GALNT17: variants seen among roughly 807,000 people sequenced by gnomAD.
GALNT17 encodes UDP-GalNAc:polypeptide N-acetylgalactosaminyltransferase-like 3.
In GALNT17, 29 loss-of-function variants were observed where a neutral mutation model predicts 63.7. The ratio of observed to expected loss-of-function variants is 0.46; its 90% CI spans 0.34 to 0.62. The LOEUF (loss-of-function observed/expected upper bound fraction) is 0.62, where lower values mean the gene tolerates loss of function less well. Among genes scored for constraint, GALNT17 ranks in the 20% least tolerant of loss-of-function variants. GALNT17 has a pLI of 0.01. For synonymous variants in GALNT17, 305 were observed against 318.3 expected, an observed-to-expected ratio of 0.96 and a Z score of 0.45; for missense variants, 603 against 799.6, an observed-to-expected ratio of 0.75 and a Z score of 2.97.
intron 6 of GALNT17, among the ~76,000 whole-genome samples, chr7:71,599,791 C>A (rs535767334): frequency 6.6e-6 from 1 of 151,994 alleles, no homozygotes; most frequent in African/African-American, 2.4e-5. Flanking sequence ...TGCACTATTG[C>A]AATTGTGCAG....
intron 6 of GALNT17, among the ~76,000 whole-genome samples, chr7:71,653,027 TG>T (rs1790776841): frequency 6.6e-6 from 1 of 151,642 alleles, no homozygotes; most frequent in African/African-American, 2.4e-5. Flanking sequence ...TTTTTGTTTT[TG>T]TTTTTTTTGA....
chr7:71,219,774 C>CAT (rs1288370154), intron 1 of GALNT17, among the ~76,000 whole-genome samples: 1 of 152,162 alleles, frequency 6.6e-6, no homozygotes, highest in Non-Finnish European at 1.5e-5. Context: ...TGTCTGTCCT[C>CAT]ATATTTTTAT....
intron 1 of GALNT17, among the ~76,000 whole-genome samples, chr7:71,236,163 CAG>C (rs1327401393): frequency 2.0e-5 from 3 of 150,722 alleles, no homozygotes; most frequent in African/African-American, 7.4e-5. Flanking sequence ...CCTGGGTAGA[CAG>C]AGTGAGACTC....
intron 5 of GALNT17, among the ~76,000 whole-genome samples, chr7:71,447,375 A>T (rs2116537427): frequency 6.6e-6 from 1 of 152,312 alleles, no homozygotes; most frequent in East Asian, 1.9e-4. Context: ...TGGAATTCAA[A>T]ATGCCCCAAA....
At chr7:71,494,432 A>G (rs1005233801) in intron 5 of GALNT17, among the ~76,000 whole-genome samples, 2 of 152,014 alleles carry the variant, frequency 1.3e-5, no homozygotes, top group Admixed American at 1.3e-4. Flanking sequence ...TGCAGCCTCA[A>G]CCTCTGTGGT....
At chr7:71,173,904 A>C (rs1788589347) in intron 1 of GALNT17, among the ~76,000 whole-genome samples, 1 of 152,244 alleles carries the variant, frequency 6.6e-6, no homozygotes, top group African/African-American at 2.4e-5. Context: ...CATTCAATAA[A>C]TGCAGTTGAA....
rs912104828 is a variant in GALNT17 at position 71,306,410 on chromosome 7, G to A, written c.239-29140G>A. On this transcript the variant is annotated intron_variant, in intron 1 of 10. Coordinates refer to ENST00000333538, the MANE Select transcript of GALNT17 (RefSeq NM_022479.3). The stretch of plus-strand genomic sequence containing the variant: ...ATAACTCCCCCTACCTGCTGTCAAC[G>A]CCCCCCACTATTCTTCTTTCTCTGT... 3.3e-5 allele frequency among the ~76,000 whole-genome samples: 5 copies of A among 150,962 alleles called. No individual in the cohort carries two copies. In the South Asian group the frequency reaches 8.4e-4, roughly 25 times the overall value.
chr7:71,608,879 A>G (rs1396618451), intron 6 of GALNT17, among the ~76,000 whole-genome samples: 1 of 152,036 alleles, frequency 6.6e-6, no homozygotes, highest in Non-Finnish European at 1.5e-5. Flanking sequence ...CCTAGGCTCA[A>G]GTGTTCCTCC....
intron 5 of GALNT17, among the ~76,000 whole-genome samples, chr7:71,520,149 G>A (rs1404772023): frequency 6.6e-6 from 1 of 152,152 alleles, no homozygotes; most frequent in Non-Finnish European, 1.5e-5. Flanking sequence ...CCCATTGTAT[G>A]TATGGCGTCT....
chr7:71,277,860 C>T (rs1015965756), intron 1 of GALNT17, among the ~76,000 whole-genome samples: 2 of 152,178 alleles, frequency 1.3e-5, no homozygotes, highest in Non-Finnish European at 2.9e-5. Flanking sequence ...CATGGGCGGT[C>T]ACCCGTGAAG....
chr7:71,656,510 C>T (rs373312398), intron 6 of GALNT17, among the ~76,000 whole-genome samples: 2 of 151,902 alleles, frequency 1.3e-5, no homozygotes, highest in South Asian at 2.1e-4. Context: ...TCAGAGTGGT[C>T]GGTGGGAGCC....
chr7:71,415,799 C>T, intron 3 of GALNT17, 90 bp from the exon 4 acceptor site: 2 of 1,357,902 alleles, frequency 1.5e-6, no homozygotes, highest in Admixed American at 2.9e-5. Flanking sequence ...GATCTTTGAA[C>T]TCCCTGAAGA....
At chr7:71,328,568 C>T (rs1347850368) in intron 1 of GALNT17, among the ~76,000 whole-genome samples, 1 of 152,038 alleles carries the variant, frequency 6.6e-6, no homozygotes, top group Non-Finnish European at 1.5e-5. Flanking sequence ...AACTTGAGTT[C>T]GGCTGGTGGA....
At chr7:71,259,938 G>A (rs1790356893) in intron 1 of GALNT17, among the ~76,000 whole-genome samples, 1 of 152,112 alleles carries the variant, frequency 6.6e-6, no homozygotes. Flanking sequence ...ACCGCACCCA[G>A]CCTCTTGGTC....
intron 6 of GALNT17, among the ~76,000 whole-genome samples, chr7:71,609,723 A>C (rs969545449): frequency 1.8e-4 from 27 of 152,070 alleles, no homozygotes; most frequent in Admixed American, 1.8e-3. Flanking sequence ...AATGTATACT[A>C]TATGTATATA....
chr7:71,587,829 G>A lies in GALNT17; in HGVS notation c.1080+16427G>A, dbSNP rs113160170. Among the ~76,000 whole-genome samples, 1,487 of 152,210 alleles carry A rather than the reference G, an allele frequency of 9.8e-3. 20 individuals carry two copies. Among genetic ancestry groups the A allele is most frequent in the African/African-American group, 0.033 (1,391 of 41,526 alleles). On this transcript the variant is annotated intron_variant, in intron 6 of 10. Transcript: ENST00000333538. ...ACATGCCGGGAAAAATACTCATAAT[G>A]CCTGTAACTGATGAAGGAATCTTAT...
At position 71,510,501 on chromosome 7, in the gene GALNT17, A is replaced by G. The variant is rs959376986; in HGVS notation, c.963-60784A>G. The stretch of plus-strand genomic sequence containing the variant: ...CATGCCTGGGTGCTAATTTCCTGCC[A>G]CTTCCAACTTGCCTCAGAGTGCAGA... On this transcript the variant is annotated intron_variant, in intron 5 of 10. Transcript: ENST00000333538. Among the ~76,000 whole-genome samples the G allele has an allele frequency of 2.6e-5, 4 of 152,038 alleles. No homozygotes were observed. The East Asian group carries it at 7.8e-4, about 29-fold the overall frequency.
intron 5 of GALNT17, among the ~76,000 whole-genome samples, chr7:71,423,336 A>G (rs1406732312): frequency 6.6e-6 from 1 of 152,140 alleles, no homozygotes; most frequent in Admixed American, 6.5e-5. Flanking sequence ...GAACCTGTGA[A>G]TGGTACCTTA....
intron 1 of GALNT17, among the ~76,000 whole-genome samples, chr7:71,214,149 T>A (rs1789431778): frequency 6.6e-6 from 1 of 152,252 alleles, no homozygotes; most frequent in African/African-American, 2.4e-5. Flanking sequence ...AATTGGCATT[T>A]AAACTCAGTT....
Sources: gnomAD v4.1 joint callset for allele counts (sites outside exome capture counted in the v4.1 genomes callset) on GRCh38, gnomAD v4.1.1 for gene constraint, MANE v1.5 for transcripts, NCBI Gene and HGNC (gene_info 2026-07-23, HGNC 2026-07-21) for gene names.